The following EFR3B variants were observed in gnomAD, a reference collection of about 807,000 sequenced individuals.
EFR3B encodes the protein protein EFR3 homolog B.
EFR3B carries 64 observed loss-of-function variants against 104.7 expected under a neutral mutation model. The observed-to-expected ratio is 0.61, with a 90% CI of 0.50 to 0.75. The LOEUF (loss-of-function observed/expected upper bound fraction) is 0.75, where lower values mean the gene tolerates loss of function less well. Ranked by LOEUF, EFR3B falls within the 30% of genes least tolerant of loss-of-function variation. The pLI is 0.00. For missense variants in EFR3B, 750 were observed against 1,078.5 expected (o/e 0.70, Z 4.27); for synonymous variants, 385 against 417.9 (o/e 0.92, Z 0.96).
chr2:25,128,123 G>A lies in EFR3B; in HGVS notation c.486-60G>A, dbSNP rs140015790. 2.1e-5 allele frequency: 33 copies of A among 1,541,536 alleles called. No individual in the cohort carries two copies. The East Asian group carries it at 5.1e-4, about 24-fold the overall frequency. On this transcript the variant is annotated intron_variant, in intron 5 of 22. Coordinates refer to ENST00000403714, the MANE Select transcript of EFR3B (RefSeq NM_014971.2). The stretch of plus-strand genomic sequence containing the variant: ...AAGCTGTGCTCTTCTCTTAGCCACC[G>A]AAGCTGGACTTCTCAGGGCTAGAGG...
At chr2:25,152,836 G>GTT (rs1259922918) in intron 21 of EFR3B, among the ~76,000 whole-genome samples, 1 of 80,052 alleles carries the variant, frequency 1.2e-5, no homozygotes, top group African/African-American at 3.5e-5. Flanking sequence ...GTGTGTGTGT[G>GTT]TGTGTGTATA....
intron 6 of EFR3B, among the ~76,000 whole-genome samples, chr2:25,128,604 C>T (rs1310176053): frequency 2.0e-4 from 31 of 152,124 alleles, no homozygotes; most frequent in Admixed American, 2.0e-3. Context: ...GGTAATAACA[C>T]ACAGAACCAA....
rs117686400 is a variant in EFR3B at position 25,125,903 on chromosome 2, G to A, written c.486-2280G>A. Among the ~76,000 whole-genome samples, 3,437 of 152,214 alleles carry A rather than the reference G, an allele frequency of 0.023. 307 individuals are homozygous for A. In the East Asian group the frequency reaches 0.3, roughly 14 times the overall value. On this transcript the variant is annotated intron_variant, in intron 5 of 22. Transcript: ENST00000403714. ...GCGGAGGTTGCTGTGAGCCGAGATC[G>A]TGCCTGGGTGACAGAGCGAGACTCC...
intron 18 of EFR3B, among the ~76,000 whole-genome samples, chr2:25,144,406 TGGTGGTG>T (rs1670758501): frequency 6.8e-6 from 1 of 146,064 alleles, no homozygotes; most frequent in African/African-American, 2.4e-5. Context: ...TAGCTGCATG[TGGTGGTG>T]GGTGCCTGTA....
In EFR3B at chr2:25,042,275, G is replaced by A; in HGVS notation, c.-38G>A. ...CCGAGGGCTGGCTGGGAACGCCGCAGCGACGCCGGCCTCTCGAGAGGCGCG... is the reference window on the plus strand; with the variant it reads ...CCGAGGGCTGGCTGGGAACGCCGCAACGACGCCGGCCTCTCGAGAGGCGCG... On this transcript the variant is annotated 5_prime_UTR_variant, in exon 1 of 23. Transcript: ENST00000403714. This position sits in a 1 kb window ranked among gnomAD's most constrained non-coding sequence, Gnocchi z 5.4. 2.3e-6 allele frequency: 3 copies of A among 1,312,360 alleles called. No individual in the cohort carries two copies. Among genetic ancestry groups the A allele is most frequent in the South Asian group, 2.1e-5 (1 of 48,108 alleles). The allele number at this position is 1,312,360 out of a possible 1,614,324, so 81.3% of individuals were successfully genotyped here. A position where few individuals can be genotyped will look rare whatever the true frequency, so the allele number is the denominator to read the frequency against.
intron 4 of EFR3B, among the ~76,000 whole-genome samples, chr2:25,105,789 A>G (rs1197296482): frequency 6.6e-6 from 1 of 152,098 alleles, no homozygotes; most frequent in African/African-American, 2.4e-5. Context: ...GGTGGCCACC[A>G]CCTCTAGCTT....
At position 25,157,189 on chromosome 2, in the gene EFR3B, T is replaced by G. The variant is rs868758830; in HGVS notation, c.*2849T>G. 6.6e-6 allele frequency: 1 copy of G among 152,232 alleles called. No homozygotes were observed. The highest frequency in any genetic ancestry group is 1.5e-5 in the Non-Finnish European group (1 of 68,042). The allele number at this position is 152,232 out of a possible 1,614,324, so 9.4% of individuals were successfully genotyped here. A position where few individuals can be genotyped will look rare whatever the true frequency, so the allele number is the denominator to read the frequency against. On this transcript the variant is annotated 3_prime_UTR_variant, in exon 23 of 23. Coordinates refer to ENST00000403714, the MANE Select transcript of EFR3B (RefSeq NM_014971.2). ...CACTGCCGCTTAGCAAAAATGTGCT[T>G]CTTTTGAAGAACTGGTCATTTTTTT...
intron 20 of EFR3B, among the ~76,000 whole-genome samples, chr2:25,150,499 T>G (rs902261369): frequency 3.3e-5 from 5 of 152,208 alleles, no homozygotes; most frequent in Non-Finnish European, 7.3e-5. Flanking sequence ...ATCTGGATCA[T>G]TGGACAACAA....
chr2:25,124,536 T>C (rs1315263130), intron 5 of EFR3B, among the ~76,000 whole-genome samples: 1 of 151,008 alleles, frequency 6.6e-6, no homozygotes, highest in African/African-American at 2.4e-5. Flanking sequence ...ATGGAGACCA[T>C]CCTGGCTAAC....
chr2:25,081,394 C>T, intron 1 of EFR3B: 1 of 1,114,064 alleles, frequency 9.0e-7, no homozygotes, highest in Non-Finnish European at 1.3e-6. Flanking sequence ...GTTTATCCTG[C>T]ACATGTTATT....
chr2:25,108,105 A>AGCCACCG (rs1235243541), intron 4 of EFR3B, among the ~76,000 whole-genome samples: 2 of 152,158 alleles, frequency 1.3e-5, no homozygotes, highest in Non-Finnish European at 2.9e-5. Flanking sequence ...AAGTGCTGGG[A>AGCCACCG]TTACAGGTGT....
intron 1 of EFR3B, among the ~76,000 whole-genome samples, chr2:25,059,553 T>C (rs1668121292): frequency 9.3e-6 from 1 of 107,084 alleles, no homozygotes. Flanking sequence ...GAAAGTAGAA[T>C]AGAGGTTACC....
chr2:25,118,726 C>CA (rs869026900), intron 4 of EFR3B, among the ~76,000 whole-genome samples: 1,065 of 33,522 alleles, frequency 0.032, 314 homozygotes, highest in African/African-American at 0.079. Context: ...CCTGTCTCTA[C>CA]AAAAAAAAAA....
At chr2:25,093,801 A>G (rs768740606) in intron 3 of EFR3B, among the ~76,000 whole-genome samples, 5 of 152,182 alleles carry the variant, frequency 3.3e-5, no homozygotes, top group Non-Finnish European at 5.9e-5. Context: ...AAAACAAAGG[A>G]GGAGTCATCT....
chr2:25,063,856 GCTGT>G (rs911678681), intron 1 of EFR3B, among the ~76,000 whole-genome samples: 4 of 152,180 alleles, frequency 2.6e-5, no homozygotes, highest in African/African-American at 7.2e-5. Context: ...CTTTTCAGGA[GCTGT>G]CTCTTTCCAG....
At chr2:25,087,589 C>T (rs1397226313) in intron 1 of EFR3B, among the ~76,000 whole-genome samples, 7 of 151,724 alleles carry the variant, frequency 4.6e-5, no homozygotes, top group Non-Finnish European at 1.0e-4. Flanking sequence ...TCTCCTGCCT[C>T]AGCCTCCCAA....
chr2:25,112,996 A>G (rs1368318511), intron 4 of EFR3B, among the ~76,000 whole-genome samples: 3 of 151,948 alleles, frequency 2.0e-5, no homozygotes, highest in African/African-American at 7.3e-5. Context: ...TTTACTCTCT[A>G]TTGACCCTTA....
At chr2:25,068,243 T>C (rs1013314864) in intron 1 of EFR3B, among the ~76,000 whole-genome samples, 5 of 152,208 alleles carry the variant, frequency 3.3e-5, no homozygotes, top group Non-Finnish European at 7.3e-5. Flanking sequence ...TATTTAGTTT[T>C]TTTGAGGAAG....
At chr2:25,069,210 T>C (rs1406802296) in intron 1 of EFR3B, among the ~76,000 whole-genome samples, 1 of 152,124 alleles carries the variant, frequency 6.6e-6, no homozygotes, top group Non-Finnish European at 1.5e-5. Flanking sequence ...GCCTGGCCTG[T>C]ACTGGAGTCA....
Sources: allele counts gnomAD v4.1 joint callset (sites outside exome capture counted in the v4.1 genomes callset), GRCh38; gene constraint gnomAD v4.1.1; non-coding constraint Gnocchi (gnomAD v3.1); transcripts MANE v1.5; gene names NCBI Gene and HGNC (gene_info 2026-07-23, HGNC 2026-07-21).